The following DIAPH3 variants were observed in gnomAD, a reference collection of about 807,000 sequenced individuals.
DIAPH3 encodes protein diaphanous homolog 3.
DIAPH3 carries 117 observed loss-of-function variants against 144.3 expected under a neutral mutation model. That is an observed-to-expected ratio of 0.81 (90% CI 0.70 to 0.95). The LOEUF (loss-of-function observed/expected upper bound fraction) is 0.95, where lower values mean the gene tolerates loss of function less well. Ranked by LOEUF, DIAPH3 falls within the 40% of genes least tolerant of loss-of-function variation. The pLI, the probability that DIAPH3 is intolerant of heterozygous loss-of-function variation, is 0.00. For missense variants in DIAPH3, 1,421 were observed against 1,412.7 expected (o/e 1.01, Z -0.09); for synonymous variants, 519 against 488.9 (o/e 1.06, Z -0.81).
intron 9 of DIAPH3, among the ~76,000 whole-genome samples, chr13:60,002,112 A>ATT (rs1168280737): frequency 2.2e-3 from 341 of 152,296 alleles, no homozygotes; most frequent in Non-Finnish European, 2.5e-3. Flanking sequence ...TGGAAAGATG[A>ATT]ATCAAAAAAT....
At chr13:60,024,197 CT>C (rs960657637) in intron 5 of DIAPH3, among the ~76,000 whole-genome samples, 7 of 152,110 alleles carry the variant, frequency 4.6e-5, no homozygotes, top group African/African-American at 1.7e-4. Context: ...ATCCTGTCCT[CT>C]TTCTCCTCTC....
chr13:60,130,217 T>C (rs966517594), intron 2 of DIAPH3, among the ~76,000 whole-genome samples: 1 of 152,202 alleles, frequency 6.6e-6, no homozygotes, highest in Non-Finnish European at 1.5e-5. Context: ...AATTTACTCT[T>C]TGGTGTCTCC....
chr13:59,887,580 G>C (rs904376177), intron 20 of DIAPH3, among the ~76,000 whole-genome samples: 12 of 152,150 alleles, frequency 7.9e-5, no homozygotes, highest in Non-Finnish European at 1.5e-4. Flanking sequence ...TACCCTGCAA[G>C]ATATCTATAT....
rs1247352737 is a variant in DIAPH3, at chr13:59,807,521, ATTACT to A, written c.3163+3262_3163+3266del. Among the ~76,000 whole-genome samples the A allele has an allele frequency of 1.2e-4, 19 of 152,198 alleles. No individual in the cohort carries two copies. The South Asian group carries it at 3.9e-3, about 31-fold the overall frequency. On this transcript the variant is annotated intron_variant, in intron 25 of 27. Coordinates refer to ENST00000400324, the MANE Select transcript of DIAPH3 (RefSeq NM_001042517.2). ...ATATCTGTATTTATTTTACAGATAT[ATTACT>A]TTAAACTTACCTATTTTAATATCAT...
chr13:60,127,846 A>G (rs2059028266), intron 2 of DIAPH3, among the ~76,000 whole-genome samples: 1 of 152,132 alleles, frequency 6.6e-6, no homozygotes, highest in South Asian at 2.1e-4. Context: ...ATCAGATTAT[A>G]CTCAATACTG....
intron 8 of DIAPH3, 40 bp from the exon 9 acceptor site, chr13:60,008,689 A>G: frequency 8.1e-7 from 1 of 1,232,404 alleles, no homozygotes; most frequent in African/African-American, 1.5e-5. Context: ...CAAGTAGCAA[A>G]CACAAATGCC....
chr13:60,037,019 G>C (rs377617711), intron 5 of DIAPH3, among the ~76,000 whole-genome samples: 12 of 9,796 alleles, frequency 1.2e-3, no homozygotes, highest in African/African-American at 5.9e-3. Context: ...ACACGTAAAA[G>C]AAACTCTACA....
At chr13:59,959,479 A>G (rs1375328391) in intron 17 of DIAPH3, among the ~76,000 whole-genome samples, 2 of 152,194 alleles carry the variant, frequency 1.3e-5, no homozygotes, top group Admixed American at 6.5e-5. Flanking sequence ...AGCAGAATGG[A>G]TTACCCAGGT....
chr13:60,045,435 A>G (rs1333604347), intron 4 of DIAPH3, among the ~76,000 whole-genome samples: 1 of 152,220 alleles, frequency 6.6e-6, no homozygotes, highest in African/African-American at 2.4e-5. Flanking sequence ...CACTTTACTT[A>G]TTTAAAACAT....
At chr13:59,959,692 A>C (rs2049629973) in intron 17 of DIAPH3, among the ~76,000 whole-genome samples, 1 of 152,198 alleles carries the variant, frequency 6.6e-6, no homozygotes, top group Admixed American at 6.5e-5. Flanking sequence ...AAAGGCAAGG[A>C]AACACATTCT....
At chr13:60,091,419 T>C (rs890990532) in intron 4 of DIAPH3, among the ~76,000 whole-genome samples, 2 of 151,188 alleles carry the variant, frequency 1.3e-5, no homozygotes, top group Non-Finnish European at 3.0e-5. Context: ...CACCTCAGCC[T>C]CCTGAGTAGC....
intron 4 of DIAPH3, among the ~76,000 whole-genome samples, chr13:60,076,889 C>T (rs1442185230): frequency 6.6e-6 from 1 of 151,958 alleles, no homozygotes; most frequent in Non-Finnish European, 1.5e-5. Flanking sequence ...AAAATGATAT[C>T]TGAATTCTGA....
At chr13:60,155,612 TC>T (rs1328329345) in intron 1 of DIAPH3, among the ~76,000 whole-genome samples, 1 of 152,204 alleles carries the variant, frequency 6.6e-6, no homozygotes, top group Non-Finnish European at 1.5e-5. Context: ...TAGGTAGAAT[TC>T]TGACACGAAT....
At chr13:60,149,265 G>A (rs932228084) in intron 1 of DIAPH3, among the ~76,000 whole-genome samples, 1 of 152,166 alleles carries the variant, frequency 6.6e-6, no homozygotes, top group African/African-American at 2.4e-5. Context: ...GGATATTGGA[G>A]GAGAAACAAT....
intron 12 of DIAPH3, among the ~76,000 whole-genome samples, chr13:59,990,001 A>C (rs2051703642): frequency 6.6e-6 from 1 of 151,954 alleles, no homozygotes; most frequent in Admixed American, 6.6e-5. Flanking sequence ...GTAAATTTGG[A>C]GTAGAAATAT....
At chr13:60,059,699 G>T (rs563549327) in intron 4 of DIAPH3, among the ~76,000 whole-genome samples, 16 of 151,950 alleles carry the variant, frequency 1.1e-4, no homozygotes, top group African/African-American at 3.9e-4. Flanking sequence ...TTGGGGGGTG[G>T]GGGAGCTGAT....
intron 5 of DIAPH3, among the ~76,000 whole-genome samples, chr13:60,020,328 T>C (rs2053931297): frequency 6.6e-6 from 1 of 152,166 alleles, no homozygotes; most frequent in South Asian, 2.1e-4. Context: ...AGCTAGAAAC[T>C]TCAATTGCAA....
chr13:59,880,338 C>T (rs1438045892), intron 20 of DIAPH3, among the ~76,000 whole-genome samples: 1 of 152,056 alleles, frequency 6.6e-6, no homozygotes, highest in African/African-American at 2.4e-5. Context: ...ACTTAAAACG[C>T]ACTGAAGGGG....
intron 12 of DIAPH3, among the ~76,000 whole-genome samples, chr13:59,988,295 G>A (rs765481183): frequency 1.3e-5 from 2 of 151,770 alleles, no homozygotes; most frequent in South Asian, 2.1e-4. Flanking sequence ...ACATTTACAC[G>A]TGGTACATAC....
Sources: allele counts gnomAD v4.1 joint callset (sites outside exome capture counted in the v4.1 genomes callset), GRCh38; gene constraint gnomAD v4.1.1; transcripts MANE v1.5; gene names NCBI Gene and HGNC (gene_info 2026-07-23, HGNC 2026-07-21).